The following AOPEP variants were observed in gnomAD, a reference collection of about 807,000 sequenced individuals.
AOPEP encodes aminopeptidase O (putative).
In AOPEP, 77 loss-of-function variants were observed where a neutral mutation model predicts 98.1. The observed-to-expected ratio is 0.78, with a 90% CI of 0.65 to 0.95. AOPEP has a LOEUF of 0.95. Among genes scored for constraint, AOPEP ranks in the 40% least tolerant of loss-of-function variants. The pLI is 0.00. For missense variants in AOPEP, 1,024 were observed against 1,024.7 expected, an observed-to-expected ratio of 1.00 and a Z score of 0.01; for synonymous variants, 346 against 365.3, an observed-to-expected ratio of 0.95 and a Z score of 0.60.
intron 1 of AOPEP, among the ~76,000 whole-genome samples, chr9:94,743,280 G>T (rs978275298): frequency 6.6e-6 from 1 of 151,356 alleles, no homozygotes; most frequent in African/African-American, 2.4e-5. Flanking sequence ...AAGAGATGTG[G>T]ATGATACTGT....
intron 13 of AOPEP, among the ~76,000 whole-genome samples, chr9:95,058,437 GC>G (rs1486679179): frequency 6.6e-6 from 1 of 152,146 alleles, no homozygotes; most frequent in Non-Finnish European, 1.5e-5. Flanking sequence ...TATTTAGTTA[GC>G]AAACGAGGCC....
At chr9:95,076,637 A>ACCCT (rs1158123181) in intron 14 of AOPEP, among the ~76,000 whole-genome samples, 2 of 152,216 alleles carry the variant, frequency 1.3e-5, no homozygotes, top group Admixed American at 6.5e-5. Flanking sequence ...CAATCCATGA[A>ACCCT]GTTATCTTTG....
intron 5 of AOPEP, among the ~76,000 whole-genome samples, chr9:94,851,903 C>G (rs2043598089): frequency 6.6e-6 from 1 of 151,504 alleles, no homozygotes; most frequent in South Asian, 2.1e-4. Context: ...GCTTTATAGG[C>G]CTCCGTGATT....
At chr9:94,793,606 G>A (rs1156409082) in intron 4 of AOPEP, among the ~76,000 whole-genome samples, 2 of 151,984 alleles carry the variant, frequency 1.3e-5, no homozygotes, top group Non-Finnish European at 2.9e-5. Flanking sequence ...GAACCTGGGA[G>A]GTAGAGGTTG....
chr9:94,904,443 C>T (rs541363434), intron 5 of AOPEP: 3 of 152,168 alleles, frequency 2.0e-5, no homozygotes, highest in African/African-American at 7.2e-5. Context: ...CTCTGAATCT[C>T]GGCATCTGTG....
intron 5 of AOPEP, among the ~76,000 whole-genome samples, chr9:94,827,878 G>T (rs370174772): frequency 4.0e-5 from 6 of 151,504 alleles, no homozygotes; most frequent in East Asian, 1.9e-4. Flanking sequence ...TGCCCAGGCT[G>T]TTTAACTCTC....
At chr9:94,998,370 A>G (rs2061365852) in intron 11 of AOPEP, among the ~76,000 whole-genome samples, 1 of 152,014 alleles carries the variant, frequency 6.6e-6, no homozygotes, top group Non-Finnish European at 1.5e-5. Context: ...CTGTATATGG[A>G]AGCACTTTGT....
chr9:95,148,349 T>C, the AOPEP span, among the ~76,000 whole-genome samples: 1 of 152,234 alleles, frequency 6.6e-6, no homozygotes, highest in Non-Finnish European at 1.5e-5. Context: ...TGACCACTTT[T>C]TGTCATGGAA....
chr9:94,811,964 C>G (rs1191342378), intron 5 of AOPEP, among the ~76,000 whole-genome samples: 1 of 152,182 alleles, frequency 6.6e-6, no homozygotes, highest in African/African-American at 2.4e-5. Context: ...GATTCATCCT[C>G]CTGCCTACCA....
chr9:95,073,626 G>GT (rs1187907617), intron 14 of AOPEP, among the ~76,000 whole-genome samples: 6 of 152,202 alleles, frequency 3.9e-5, no homozygotes, highest in African/African-American at 1.2e-4. Flanking sequence ...GGAGGCTGAG[G>GT]TGGGTGGACC....
intron 5 of AOPEP, among the ~76,000 whole-genome samples, chr9:94,868,027 T>G (rs1013552339): frequency 6.6e-6 from 1 of 152,206 alleles, no homozygotes; most frequent in Non-Finnish European, 1.5e-5. Flanking sequence ...GACAGAACAC[T>G]CTGGAGATTT....
chr9:94,889,096 C>T (rs1466233400), intron 5 of AOPEP, among the ~76,000 whole-genome samples: 4 of 152,120 alleles, frequency 2.6e-5, no homozygotes, highest in South Asian at 4.2e-4. Context: ...TGGGCTCAAG[C>T]GATTCTCCTG....
chr9:94,909,184 T>C (rs186916925), intron 5 of AOPEP, among the ~76,000 whole-genome samples: 27 of 151,990 alleles, frequency 1.8e-4, no homozygotes, highest in Admixed American at 5.9e-4. Flanking sequence ...AGGGGTGAGG[T>C]GATGGCTATT....
At chr9:94,964,696 A>G (rs938818782) in intron 9 of AOPEP, among the ~76,000 whole-genome samples, 2 of 147,358 alleles carry the variant, frequency 1.4e-5, no homozygotes, top group South Asian at 2.2e-4. Context: ...CTGGAGTGCA[A>G]TGGCGCGATC....
At chr9:94,779,774 T>C (rs1383473946) in intron 3 of AOPEP, among the ~76,000 whole-genome samples, 1 of 152,118 alleles carries the variant, frequency 6.6e-6, no homozygotes, top group Non-Finnish European at 1.5e-5. Context: ...TCCATGCAGT[T>C]TCTTTTGAGA....
intron 10 of AOPEP, among the ~76,000 whole-genome samples, chr9:94,977,412 C>T (rs1319285583): frequency 1.3e-5 from 2 of 152,096 alleles, no homozygotes; most frequent in Non-Finnish European, 2.9e-5. Context: ...GTTTTCTTCT[C>T]GGATCTTCTT....
At chr9:94,760,896 G>T (rs928520218) in intron 2 of AOPEP, among the ~76,000 whole-genome samples, 3 of 152,204 alleles carry the variant, frequency 2.0e-5, no homozygotes, top group African/African-American at 4.8e-5. Context: ...TGGTGACTTG[G>T]AGTGCTGTAG....
chr9:94,753,940 A>C (rs1836421290), intron 1 of AOPEP, among the ~76,000 whole-genome samples: 1 of 152,244 alleles, frequency 6.6e-6, no homozygotes, highest in Non-Finnish European at 1.5e-5. Context: ...AAGGAGGCTC[A>C]TTTCAGCATT....
intron 5 of AOPEP, among the ~76,000 whole-genome samples, chr9:94,830,559 T>TAATG (rs1435948706): frequency 2.6e-5 from 4 of 152,242 alleles, no homozygotes. Flanking sequence ...ATATACCCTG[T>TAATG]AATGGTATTG....
Sources: gnomAD v4.1 joint callset for allele counts (sites outside exome capture counted in the v4.1 genomes callset) on GRCh38, gnomAD v4.1.1 for gene constraint, MANE v1.5 for transcripts, NCBI Gene and HGNC (gene_info 2026-07-23, HGNC 2026-07-21) for gene names.